The following DPP6 variants were observed in gnomAD, a reference collection of about 807,000 sequenced individuals.
The protein encoded by DPP6 is A-type potassium channel modulatory protein DPP6.
DPP6 carries 69 observed loss-of-function variants against 122.6 expected under a neutral mutation model. That is an observed-to-expected ratio of 0.56 (90% CI 0.46 to 0.69). The LOEUF is 0.69. Among genes scored for constraint, DPP6 ranks in the 30% least tolerant of loss-of-function variants. The pLI is 0.00. For missense variants in DPP6, 928 were observed against 1,116.9 expected, an observed-to-expected ratio of 0.83 and a Z score of 2.41; for synonymous variants, 418 against 433.1, an observed-to-expected ratio of 0.97 and a Z score of 0.43.
At chr7:153,957,425 CG>C (rs1161127723) in intron 1 of DPP6, among the ~76,000 whole-genome samples, 1 of 152,080 alleles carries the variant, frequency 6.6e-6, no homozygotes, top group African/African-American at 2.4e-5. Flanking sequence ...GAGCCTTCTC[CG>C]GCCTCTCAGA....
chr7:154,054,047 G>A (rs2129063452), intron 1 of DPP6, among the ~76,000 whole-genome samples: 1 of 148,504 alleles, frequency 6.7e-6, no homozygotes, highest in Middle Eastern at 3.4e-3. Flanking sequence ...CAGAGAAACA[G>A]GTCTGGCTTG....
At chr7:154,166,590 T>C (rs1222766289) in intron 1 of DPP6, among the ~76,000 whole-genome samples, 2 of 149,164 alleles carry the variant, frequency 1.3e-5, no homozygotes, top group Non-Finnish European at 2.9e-5. Flanking sequence ...AAAACCCCAG[T>C]GTGGGAGCAC....
At chr7:153,757,817 C>A in the DPP6 span, among the ~76,000 whole-genome samples, 1 of 152,106 alleles carries the variant, frequency 6.6e-6, no homozygotes. Flanking sequence ...ATTAGCCAGG[C>A]ACGGTGTGGT....
intron 1 of DPP6, among the ~76,000 whole-genome samples, chr7:154,060,089 C>T (rs1186287109): frequency 1.0e-4 from 15 of 148,432 alleles, no homozygotes; most frequent in Non-Finnish European, 1.8e-4. Flanking sequence ...ACCACCATCG[C>T]AGGGGGGGAG....
upstream of DPP6, among the ~76,000 whole-genome samples, chr7:154,049,542 G>A (rs1248610407): frequency 7.4e-6 from 1 of 135,384 alleles, no homozygotes; most frequent in African/African-American, 2.7e-5. Context: ...GGATGTGTGG[G>A]TGCATAAACG....
chr7:153,781,350 G>A, the DPP6 span, among the ~76,000 whole-genome samples: 8 of 152,124 alleles, frequency 5.3e-5, no homozygotes, highest in Non-Finnish European at 1.2e-4. Context: ...GGACTGCAAG[G>A]GAAGTTGTTA....
chr7:154,043,228 A>G (rs1177307871), intron 1 of DPP6, among the ~76,000 whole-genome samples: 1 of 151,882 alleles, frequency 6.6e-6, no homozygotes, highest in Non-Finnish European at 1.5e-5. Context: ...TCTCTACCCC[A>G]GCTAAAAATA....
At chr7:154,460,232 T>C (rs534137281) in intron 2 of DPP6, among the ~76,000 whole-genome samples, 1 of 152,274 alleles carries the variant, frequency 6.6e-6, no homozygotes, top group Non-Finnish European at 1.5e-5. Context: ...TCCACCCGCC[T>C]TGGCCTCCCA....
intron 19 of DPP6, among the ~76,000 whole-genome samples, chr7:154,874,263 A>G (rs1035294883): frequency 1.3e-5 from 2 of 152,302 alleles, no homozygotes; most frequent in Middle Eastern, 3.4e-3. Context: ...TTCTTCAGTG[A>G]TCTTAAAGGA....
intron 1 of DPP6, among the ~76,000 whole-genome samples, chr7:154,311,119 T>G (rs1245264438): frequency 3.3e-5 from 5 of 152,146 alleles, no homozygotes; most frequent in Non-Finnish European, 5.9e-5. Flanking sequence ...AGACACTGTT[T>G]GGAAAAACAA....
chr7:154,297,087 T>TC (rs2150973264), intron 1 of DPP6, among the ~76,000 whole-genome samples: 1 of 152,056 alleles, frequency 6.6e-6, no homozygotes, highest in South Asian at 2.1e-4. Context: ...GTTTTGTTTT[T>TC]CTATTTGGAG....
chr7:153,820,284 T>C, the DPP6 span, among the ~76,000 whole-genome samples: 1 of 152,204 alleles, frequency 6.6e-6, no homozygotes, highest in Non-Finnish European at 1.5e-5. Context: ...CAAGAGATGC[T>C]GTGTAAAATT....
intron 5 of DPP6, among the ~76,000 whole-genome samples, chr7:154,632,664 T>C (rs565270947): frequency 2.2e-3 from 328 of 152,240 alleles, no homozygotes; most frequent in African/African-American, 7.6e-3. Flanking sequence ...GTTACTGATA[T>C]TTAGGTAATT....
the DPP6 span, among the ~76,000 whole-genome samples, chr7:153,823,476 TG>T: frequency 6.7e-6 from 1 of 149,940 alleles, no homozygotes; most frequent in Non-Finnish European, 1.5e-5. Context: ...GTCTGGCCGC[TG>T]CCCTCTGCCT....
Position 154,078,438 on chromosome 7 carries a change from A to G in DPP6, c.243+25375A>G, listed in dbSNP as rs1279626242. Among the ~76,000 whole-genome samples, 6 of 152,150 alleles carry G rather than the reference A, an allele frequency of 3.9e-5. No individual in the cohort carries two copies. The East Asian group carries it at 1.2e-3, about 29-fold the overall frequency. ...ACATATATCTTTCACCTTGAAGATG[A>G]AGCAAGATTCCAAAATGTCAGAAAA... On this transcript the variant is annotated intron_variant, in intron 1 of 25. Transcript: ENST00000377770.
chr7:154,399,335 A>AT (rs1170963505), intron 1 of DPP6, among the ~76,000 whole-genome samples: 2 of 152,220 alleles, frequency 1.3e-5, no homozygotes, highest in Non-Finnish European at 1.5e-5. Flanking sequence ...TGGCCCCAGA[A>AT]TCCAGACATC....
intron 3 of DPP6, among the ~76,000 whole-genome samples, chr7:154,530,234 C>T (rs1827736962): frequency 6.6e-6 from 1 of 151,824 alleles, no homozygotes; most frequent in African/African-American, 2.4e-5. Context: ...ATCCATCTGC[C>T]CAATTTATGT....
intron 16 of DPP6, among the ~76,000 whole-genome samples, chr7:154,828,240 C>A (rs957175695): frequency 1.3e-5 from 2 of 152,140 alleles, no homozygotes; most frequent in Admixed American, 6.5e-5. Flanking sequence ...CTCAGGGATT[C>A]CTTCTCAAAT....
intron 1 of DPP6, among the ~76,000 whole-genome samples, chr7:154,056,672 C>A (rs1800841723): frequency 6.6e-6 from 1 of 152,148 alleles, no homozygotes; most frequent in African/African-American, 2.4e-5. Context: ...AAATCACCAC[C>A]CATGATGTCC....
Sources: allele counts gnomAD v4.1 joint callset (sites outside exome capture counted in the v4.1 genomes callset), GRCh38; gene constraint gnomAD v4.1.1; transcripts MANE v1.5; gene names NCBI Gene and HGNC (gene_info 2026-07-23, HGNC 2026-07-21).